CSMD3: variants seen among roughly 807,000 people sequenced by gnomAD.
The protein encoded by CSMD3 is CUB and sushi domain-containing protein 3.
In CSMD3, 177 loss-of-function variants were observed where a neutral mutation model predicts 435.2. That is an observed-to-expected ratio of 0.41 (90% CI 0.36 to 0.46). The LOEUF is 0.46. CSMD3 is among the 20% of genes least tolerant of loss of function. The probability of loss-of-function intolerance (pLI) is 0.34; values close to 1 mark genes in which losing one functional copy is unlikely to be tolerated. For synonymous variants in CSMD3, 1,656 were observed against 1,520.5 expected, an observed-to-expected ratio of 1.09 and a Z score of -2.07; for missense variants, 4,265 against 4,504.6, an observed-to-expected ratio of 0.95 and a Z score of 1.52.
At chr8:112,361,288 A>G (rs944646848) in intron 38 of CSMD3, among the ~76,000 whole-genome samples, 1 of 151,722 alleles carries the variant, frequency 6.6e-6, no homozygotes, top group Non-Finnish European at 1.5e-5. Context: ...CAAAAAAAAG[A>G]AAAATCAGAA....
chr8:113,434,516 T>C (rs544239585), intron 1 of CSMD3, among the ~76,000 whole-genome samples: 25 of 152,254 alleles, frequency 1.6e-4, no homozygotes, highest in African/African-American at 6.0e-4. Context: ...ACATAAAACC[T>C]ATGCAAATTT....
intron 53 of CSMD3, among the ~76,000 whole-genome samples, chr8:112,297,684 A>G (rs1820450403): frequency 6.6e-6 from 1 of 152,204 alleles, no homozygotes; most frequent in Non-Finnish European, 1.5e-5. Context: ...TTCTATACTC[A>G]GGTAATACGT....
intron 5 of CSMD3, among the ~76,000 whole-genome samples, chr8:113,057,655 T>C (rs543703782): frequency 6.6e-6 from 1 of 152,140 alleles, no homozygotes; most frequent in East Asian, 1.9e-4. Context: ...ATTTTGTTAT[T>C]AGTAATATTG....
chr8:112,828,634 C>T (rs1036533982), intron 12 of CSMD3, among the ~76,000 whole-genome samples: 1 of 152,132 alleles, frequency 6.6e-6, no homozygotes, highest in Non-Finnish European at 1.5e-5. Context: ...ATAATCCAGT[C>T]TCAGGTAGTT....
At chr8:112,853,741 C>T (rs231307) in intron 11 of CSMD3, among the ~76,000 whole-genome samples, 145,590 of 152,328 alleles carry the variant, frequency 0.96, 69,596 homozygotes, top group South Asian at 0.99. Context: ...TCTCCTAAAC[C>T]AGCTCCACCT....
intron 6 of CSMD3, among the ~76,000 whole-genome samples, chr8:112,998,381 A>T (rs1036800672): frequency 4.0e-5 from 6 of 151,876 alleles, no homozygotes; most frequent in Admixed American, 6.6e-5. Flanking sequence ...GCTCGCCTGA[A>T]CCATTATTTT....
At chr8:112,884,165 A>G in intron 10 of CSMD3, among the ~76,000 whole-genome samples, 1 of 151,908 alleles carries the variant, frequency 6.6e-6, no homozygotes, top group Non-Finnish European at 1.5e-5. Context: ...GAGCTATTCA[A>G]GATGCCAAGT....
chr8:112,801,051 G>A (rs764469104), intron 12 of CSMD3, among the ~76,000 whole-genome samples: 6 of 151,820 alleles, frequency 4.0e-5, no homozygotes, highest in Non-Finnish European at 7.4e-5. Context: ...ATAGGAAAGA[G>A]GAAAAAATGG....
At chr8:113,218,889 T>G (rs1235476823) in intron 3 of CSMD3, among the ~76,000 whole-genome samples, 1 of 151,324 alleles carries the variant, frequency 6.6e-6, no homozygotes, top group African/African-American at 2.4e-5. Flanking sequence ...AAAATTCATT[T>G]ATGATTTCTA....
intron 16 of CSMD3, among the ~76,000 whole-genome samples, chr8:112,680,528 G>C (rs573847021): frequency 6.6e-6 from 1 of 152,066 alleles, no homozygotes; most frequent in South Asian, 2.1e-4. Flanking sequence ...TTTTACTTTA[G>C]TCCATTATTG....
At chr8:112,897,212 T>C (rs1043737062) in intron 10 of CSMD3, among the ~76,000 whole-genome samples, 2 of 151,378 alleles carry the variant, frequency 1.3e-5, no homozygotes, top group Admixed American at 1.3e-4. Context: ...TACGTATGCA[T>C]GCATGTGTGT....
At chr8:112,473,936 C>A (rs1818786198) in intron 31 of CSMD3, among the ~76,000 whole-genome samples, 2 of 151,830 alleles carry the variant, frequency 1.3e-5, no homozygotes, top group Non-Finnish European at 2.9e-5. Flanking sequence ...GAGCCTGTTG[C>A]CGACAGCTAG....
At chr8:113,068,585 C>T (rs1358010087) in intron 5 of CSMD3, among the ~76,000 whole-genome samples, 1 of 152,076 alleles carries the variant, frequency 6.6e-6, no homozygotes, top group Non-Finnish European at 1.5e-5. Context: ...TGTCAACTGG[C>T]AACCTTCTCC....
In CSMD3 at chr8:112,685,487, T is replaced by A. The variant is rs1179165208; in HGVS notation, c.2401A>T (p.Thr801Ser). Residue 801 changes from threonine (T) to serine (S), a missense_variant, in exon 15 of 71, where the codon ACT (threonine) becomes TCT (serine). Transcript: ENST00000297405. ...FTGAEVPSHL[T>S]SNSHILRLEF... ...AATCGCAGTATGTGACTATTACTAG[T>A]AAGATGGGAAGGCACCTCAGCCCCA... 2 of 1,613,890 alleles carry A rather than the reference T, an allele frequency of 1.2e-6. No individual in the cohort carries two copies. Among genetic ancestry groups the A allele is most frequent in the East Asian group, 4.5e-5 (2 of 44,860 alleles).
chr8:112,505,957 T>C (rs916053407), intron 29 of CSMD3, among the ~76,000 whole-genome samples: 22 of 152,262 alleles, frequency 1.4e-4, no homozygotes, highest in Middle Eastern at 3.4e-3. Context: ...TAATTTTATA[T>C]GTAAACTAAG....
At chr8:112,385,672 T>C (rs961140778) in intron 36 of CSMD3, among the ~76,000 whole-genome samples, 2 of 152,162 alleles carry the variant, frequency 1.3e-5, no homozygotes, top group African/African-American at 4.8e-5. Flanking sequence ...AGACGTCACA[T>C]GTGTTGCTGT....
chr8:112,734,014 C>G (rs2077131560), intron 13 of CSMD3, among the ~76,000 whole-genome samples: 1 of 151,762 alleles, frequency 6.6e-6, no homozygotes, highest in Non-Finnish European at 1.5e-5. Flanking sequence ...CTTAGGGAAG[C>G]TAGATGGAAG....
chr8:113,032,292 A>G (rs879588495), intron 5 of CSMD3, among the ~76,000 whole-genome samples: 3 of 151,566 alleles, frequency 2.0e-5, no homozygotes, highest in Non-Finnish European at 4.4e-5. Flanking sequence ...CTTCCTTGAG[A>G]CTTGTTGAAT....
chr8:113,260,191 A>C (rs2093415748), intron 3 of CSMD3, among the ~76,000 whole-genome samples: 1 of 152,140 alleles, frequency 6.6e-6, no homozygotes. Flanking sequence ...CAGTATGAGA[A>C]TGGACCAATA....
Sources: allele counts gnomAD v4.1 joint callset (sites outside exome capture counted in the v4.1 genomes callset), GRCh38; gene constraint gnomAD v4.1.1; transcripts MANE v1.5; gene names NCBI Gene and HGNC (gene_info 2026-07-23, HGNC 2026-07-21).